Variants in PRKCI observed in about 807,000 individuals in gnomAD.
PRKCI encodes the protein protein kinase C iota type.
A neutral mutation model predicts 84.0 loss-of-function variants in PRKCI; 43 were observed. The ratio of observed to expected loss-of-function variants is 0.51; its 90% CI spans 0.40 to 0.66. The LOEUF (loss-of-function observed/expected upper bound fraction) is 0.66, where lower values mean the gene tolerates loss of function less well. PRKCI is among the 30% of genes least tolerant of loss of function. The pLI is 0.00. For missense variants in PRKCI, 459 were observed against 745.6 expected, an observed-to-expected ratio of 0.62 and a Z score of 4.48; for synonymous variants, 216 against 234.4, an observed-to-expected ratio of 0.92 and a Z score of 0.72.
At chr3:170,234,432 C>G (rs756462363) in intron 1 of PRKCI, among the ~76,000 whole-genome samples, 6 of 152,106 alleles carry the variant, frequency 3.9e-5, no homozygotes, top group Non-Finnish European at 2.9e-5. Flanking sequence ...ATGAAAAAGC[C>G]TTGTTGTTTA....
Position 170,265,227 on chromosome 3 carries a change from G to A in PRKCI, c.364+1798G>A, listed in dbSNP as rs557068230. On this transcript the variant is annotated intron_variant, in intron 4 of 17. Coordinates refer to ENST00000295797, the MANE Select transcript of PRKCI (RefSeq NM_002740.6). ...AGAAAAAAACTGCACTCCAATCTACGTGATTCATAAACTCTTGGACTGGGG... is the reference window on the plus strand; with the variant it reads ...AGAAAAAAACTGCACTCCAATCTACATGATTCATAAACTCTTGGACTGGGG... Among the ~76,000 whole-genome samples, 4 of 151,804 alleles carry A rather than the reference G, an allele frequency of 2.6e-5. No homozygotes were observed. The East Asian group carries it at 5.8e-4, about 22-fold the overall frequency.
At chr3:170,223,711 C>T (rs1018555556) in intron 1 of PRKCI, among the ~76,000 whole-genome samples, 13 of 152,030 alleles carry the variant, frequency 8.6e-5, no homozygotes, top group African/African-American at 3.1e-4. Flanking sequence ...CACAGAAAAC[C>T]CAGCTACTTT....
intron 5 of PRKCI, 73 bp from the exon 6 acceptor site, chr3:170,270,348 G>A: frequency 7.1e-7 from 1 of 1,401,584 alleles, no homozygotes. Flanking sequence ...AAAGGGAATT[G>A]AGTCAGCAAA....
chr3:170,297,985 G>C (rs964308386), intron 16 of PRKCI, among the ~76,000 whole-genome samples: 1 of 151,036 alleles, frequency 6.6e-6, no homozygotes, highest in Non-Finnish European at 1.5e-5. Flanking sequence ...AAGCAATTCT[G>C]CCTCAGCTTC....
intron 1 of PRKCI, among the ~76,000 whole-genome samples, chr3:170,224,236 A>T (rs913624602): frequency 5.3e-5 from 8 of 151,970 alleles, no homozygotes; most frequent in African/African-American, 1.9e-4. Flanking sequence ...TCTGTTTATT[A>T]TTAGCTTGAC....
chr3:170,286,359 T>A (rs753375379), intron 12 of PRKCI, among the ~76,000 whole-genome samples: 12 of 152,224 alleles, frequency 7.9e-5, no homozygotes, highest in Non-Finnish European at 1.2e-4. Flanking sequence ...CCTAAGGGAT[T>A]TTTTTCTCAT....
intron 1 of PRKCI, among the ~76,000 whole-genome samples, chr3:170,232,196 A>G (rs1391031826): frequency 6.6e-6 from 1 of 151,762 alleles, no homozygotes; most frequent in Non-Finnish European, 1.5e-5. Flanking sequence ...GACTGTAGGC[A>G]CACACCACTA....
rs569448112 is a variant in PRKCI, at chr3:170,259,058, C to A, written c.224-911C>A. 2.0e-5 allele frequency among the ~76,000 whole-genome samples: 3 copies of A among 152,142 alleles called. No homozygotes were observed. The East Asian group carries it at 5.8e-4, about 29-fold the overall frequency. Reference sequence around the variant, plus strand: ...ATTTGGAAGGCTGAGGCAGGAGAATCGCTTGAACCCAGGAGGCGGAGGTTG... The same window carrying A: ...ATTTGGAAGGCTGAGGCAGGAGAATAGCTTGAACCCAGGAGGCGGAGGTTG... On this transcript the variant is annotated intron_variant, in intron 2 of 17. Coordinates refer to ENST00000295797, the MANE Select transcript of PRKCI (RefSeq NM_002740.6).
intron 14 of PRKCI, among the ~76,000 whole-genome samples, chr3:170,295,265 G>A (rs1248052630): frequency 6.6e-6 from 1 of 152,098 alleles, no homozygotes; most frequent in Non-Finnish European, 1.5e-5. Flanking sequence ...GTTCACACCT[G>A]TAATCCCAGC....
chr3:170,250,287 C>G (rs1478873107), intron 2 of PRKCI, among the ~76,000 whole-genome samples: 1 of 147,046 alleles, frequency 6.8e-6, no homozygotes. Context: ...AAAAAAAAAG[C>G]TAGACTCCAC....
At chr3:170,292,824 G>A (rs895963572) in intron 13 of PRKCI, among the ~76,000 whole-genome samples, 3 of 151,814 alleles carry the variant, frequency 2.0e-5, no homozygotes, top group East Asian at 1.9e-4. Context: ...GGCGGATCAC[G>A]AGGTCAGGAA....
intron 2 of PRKCI, among the ~76,000 whole-genome samples, chr3:170,245,859 T>C (rs1733262350): frequency 6.6e-6 from 1 of 152,048 alleles, no homozygotes; most frequent in South Asian, 2.1e-4. Context: ...GACTCCTGGC[T>C]CAAGCACAGT....
chr3:170,301,051 T>C (rs1468765262), intron 17 of PRKCI, among the ~76,000 whole-genome samples: 1 of 152,214 alleles, frequency 6.6e-6, no homozygotes, highest in Admixed American at 6.5e-5. Context: ...GGCTCTCAGT[T>C]AAATGGCAAA....
intron 1 of PRKCI, among the ~76,000 whole-genome samples, chr3:170,231,834 A>T (rs1276793566): frequency 2.0e-5 from 3 of 152,240 alleles, no homozygotes; most frequent in Non-Finnish European, 2.9e-5. Context: ...CTCTTATCTT[A>T]GTGAAATATA....
intron 1 of PRKCI, among the ~76,000 whole-genome samples, chr3:170,228,451 C>T (rs968159795): frequency 2.6e-4 from 40 of 151,960 alleles, no homozygotes; most frequent in African/African-American, 9.4e-4. Flanking sequence ...AAAAATTAGC[C>T]TGTAGTCCTA....
chr3:170,267,804 TA>T (rs754001128), intron 4 of PRKCI, 110 bp from the exon 5 acceptor site: 11 of 665,850 alleles, frequency 1.7e-5, no homozygotes, highest in Non-Finnish European at 2.6e-5. Context: ...TTTTTATCAG[TA>T]TTTTTTTTTC....
chr3:170,262,087 T>C (rs979372521), intron 3 of PRKCI, among the ~76,000 whole-genome samples: 1 of 152,204 alleles, frequency 6.6e-6, no homozygotes, highest in Admixed American at 6.5e-5. Context: ...CTGTGTCCTT[T>C]AGTACATCAC....
rs186605100 is a variant in PRKCI, at chr3:170,236,620, T to C, written c.223+1269T>C. Among the ~76,000 whole-genome samples, 209 of 152,222 alleles carry C rather than the reference T, an allele frequency of 1.4e-3. 1 individual carries two copies. Among genetic ancestry groups the C allele is most frequent in the Non-Finnish European group, 2.8e-4 (19 of 68,002 alleles). ...GCTTACGCCTGTAATCCCAGCACTT[T>C]AGAGTCTGAGGTGGGAGGATTGCTT... On this transcript the variant is annotated intron_variant, in intron 2 of 17. Coordinates refer to ENST00000295797, the MANE Select transcript of PRKCI (RefSeq NM_002740.6).
At chr3:170,238,594 CTT>C (rs1231292323) in intron 2 of PRKCI, among the ~76,000 whole-genome samples, 9 of 125,080 alleles carry the variant, frequency 7.2e-5, no homozygotes, top group Admixed American at 8.1e-5. Context: ...CATTTCTTTT[CTT>C]TTTTTTTTTT....
Sources: allele counts gnomAD v4.1 joint callset (sites outside exome capture counted in the v4.1 genomes callset), GRCh38; gene constraint gnomAD v4.1.1; transcripts MANE v1.5; gene names NCBI Gene and HGNC (gene_info 2026-07-23, HGNC 2026-07-21).